Variants in ARHGAP26 observed in about 807,000 individuals in gnomAD.
The protein encoded by ARHGAP26 is Rho GTPase activating protein 26.
In ARHGAP26, 38 loss-of-function variants were observed where a neutral mutation model predicts 104.8. The observed-to-expected ratio is 0.36, with a 90% CI of 0.28 to 0.48. The LOEUF (loss-of-function observed/expected upper bound fraction) is 0.48, where lower values mean the gene tolerates loss of function less well. Ranked by LOEUF, ARHGAP26 falls within the 20% of genes least tolerant of loss-of-function variation. The pLI is 0.99. For synonymous variants in ARHGAP26, 341 were observed against 340.0 expected (o/e 1.00, Z -0.03); for missense variants, 704 against 947.9 (o/e 0.74, Z 3.38).
intron 11 of ARHGAP26, among the ~76,000 whole-genome samples, chr5:142,945,134 C>T (rs1488992618): frequency 6.6e-6 from 1 of 152,190 alleles, no homozygotes; most frequent in African/African-American, 2.4e-5. Flanking sequence ...TCCTTTCTAA[C>T]TCCCGAGTAG....
intron 11 of ARHGAP26, among the ~76,000 whole-genome samples, chr5:142,977,525 T>TCA (rs1773286656): frequency 6.6e-6 from 1 of 152,172 alleles, no homozygotes; most frequent in Non-Finnish European, 1.5e-5. Context: ...CTGCCACAGG[T>TCA]CAGCCAGGTG....
At chr5:143,089,016 A>G (rs529914654) in intron 17 of ARHGAP26, among the ~76,000 whole-genome samples, 1 of 152,224 alleles carries the variant, frequency 6.6e-6, no homozygotes, top group Non-Finnish European at 1.5e-5. Flanking sequence ...CAGGTAATTG[A>G]AAAAGGTTGC....
intron 17 of ARHGAP26, among the ~76,000 whole-genome samples, chr5:143,087,662 T>TTTTTGG (rs1790797248): frequency 7.1e-6 from 1 of 141,634 alleles, no homozygotes; most frequent in African/African-American, 2.7e-5. Flanking sequence ...TTTTTTTTTT[T>TTTTTGG]GAGACGGAGT....
In ARHGAP26 at chr5:142,931,317, G is replaced by A. The variant is rs114962638; in HGVS notation, c.1029-730G>A. 7.0e-3 allele frequency among the ~76,000 whole-genome samples: 1,066 copies of A among 152,250 alleles called. 15 individuals carry two copies. The highest frequency in any genetic ancestry group is 0.024 in the African/African-American group (1,016 of 41,550). On this transcript the variant is annotated intron_variant, in intron 10 of 22. Coordinates refer to ENST00000645722, the MANE Select transcript of ARHGAP26 (RefSeq NM_001135608.3). ...CTTCTCCCAAGGTCGTTTTTATGGC[G>A]CAGTCTCTTTTTCTTGCGGAGTACC... is the stretch of plus-strand genomic sequence containing the variant.
At chr5:143,219,278 C>T (rs1810825626) in intron 22 of ARHGAP26, among the ~76,000 whole-genome samples, 2 of 152,144 alleles carry the variant, frequency 1.3e-5, no homozygotes, top group Non-Finnish European at 2.9e-5. Context: ...AAGCTGGGAT[C>T]CTGAGGATCA....
At chr5:142,874,270 G>A (rs1417872012) in intron 2 of ARHGAP26, among the ~76,000 whole-genome samples, 3 of 152,198 alleles carry the variant, frequency 2.0e-5, no homozygotes, top group Admixed American at 1.3e-4. Context: ...CTTTGCCAGG[G>A]CCTTGTCATT....
At chr5:143,058,026 A>C (rs567404013) in intron 17 of ARHGAP26, 1 of 606,778 alleles carries the variant, frequency 1.6e-6, no homozygotes, top group East Asian at 3.4e-5. Flanking sequence ...GGCAAATTGG[A>C]GTGTGTTGTC....
At chr5:143,142,199 C>T (rs1332202096) in intron 19 of ARHGAP26, among the ~76,000 whole-genome samples, 2 of 132,920 alleles carry the variant, frequency 1.5e-5, no homozygotes, top group Non-Finnish European at 3.0e-5. Flanking sequence ...AGTGCAGTGG[C>T]ACGATCTTGG....
chr5:143,206,656 AT>A (rs1331478123), intron 20 of ARHGAP26, among the ~76,000 whole-genome samples: 2 of 152,226 alleles, frequency 1.3e-5, no homozygotes, highest in South Asian at 4.1e-4. Context: ...TCCATCGGCT[AT>A]CACCTTCTTC....
intron 11 of ARHGAP26, among the ~76,000 whole-genome samples, chr5:142,972,148 C>A (rs548381836): frequency 6.6e-6 from 1 of 150,888 alleles, no homozygotes; most frequent in Admixed American, 6.6e-5. Context: ...TGCCACTGCA[C>A]TCCATCCTGG....
intron 19 of ARHGAP26, among the ~76,000 whole-genome samples, chr5:143,134,678 T>G (rs1212188377): frequency 6.6e-6 from 1 of 152,246 alleles, no homozygotes; most frequent in Non-Finnish European, 1.5e-5. Context: ...TCACCACAAT[T>G]ATATCACATC....
chr5:143,114,033 C>T (rs1160333290), intron 17 of ARHGAP26, among the ~76,000 whole-genome samples: 1 of 152,174 alleles, frequency 6.6e-6, no homozygotes, highest in East Asian at 1.9e-4. Context: ...TCTCTTTCCT[C>T]ATTTGTAAAG....
At chr5:143,019,520 T>C (rs548412725) in intron 12 of ARHGAP26, among the ~76,000 whole-genome samples, 14 of 152,132 alleles carry the variant, frequency 9.2e-5, no homozygotes, top group Non-Finnish European at 1.8e-4. Flanking sequence ...CCAAAGACTA[T>C]GAGAATTGGT....
intron 1 of ARHGAP26, among the ~76,000 whole-genome samples, chr5:142,852,045 C>T (rs760076904): frequency 1.7e-4 from 26 of 152,182 alleles, no homozygotes; most frequent in Non-Finnish European, 3.2e-4. Flanking sequence ...CAGTCTCGCT[C>T]CTTCCGGAAC....
intron 1 of ARHGAP26, among the ~76,000 whole-genome samples, chr5:142,829,675 TAG>T (rs1296245112): frequency 6.6e-6 from 1 of 152,182 alleles, no homozygotes; most frequent in African/African-American, 2.4e-5. Flanking sequence ...TATGTGTAAT[TAG>T]AGAGAGTAGA....
rs772460248 is a variant in ARHGAP26 at position 142,903,624 on chromosome 5, A to G, written c.787A>G (p.Ile263Val). The G allele has an allele frequency of 5.0e-6, 8 of 1,613,918 alleles. No homozygotes were observed. Among genetic ancestry groups the G allele is most frequent in the Non-Finnish European group, 6.8e-6 (8 of 1,179,972 alleles). ...GGAGAATCCCCTTGAGCACAAGACC[A>G]TCAGTCCCTACACCATGGAGGGATA... ...MKENPLEHKT[I>V]SPYTMEGYLY... is the part of the protein sequence containing the mutation. Residue 263 changes from isoleucine (I) to valine (V), a missense_variant, in exon 8 of 23, where the codon ATC becomes GTC. By Grantham distance (29) the Ile-to-Val change is conservative. Transcript: ENST00000645722.
chr5:143,103,848 C>T (rs139726346), intron 17 of ARHGAP26, among the ~76,000 whole-genome samples: 3,576 of 152,062 alleles, frequency 0.024, 157 homozygotes, highest in African/African-American at 0.082. Context: ...ATGTAGATGA[C>T]GGGTTGATGG....
intron 19 of ARHGAP26, among the ~76,000 whole-genome samples, chr5:143,135,749 T>C (rs1457843748): frequency 2.0e-5 from 3 of 152,260 alleles, no homozygotes; most frequent in Non-Finnish European, 4.4e-5. Context: ...TTCATGAACA[T>C]TTCTTTAGAT....
rs74354828 is a variant in ARHGAP26 at position 143,122,203 on chromosome 5, C to T, written c.1698+1056C>T. On this transcript the variant is annotated intron_variant, in intron 18 of 22. Coordinates refer to ENST00000645722, the MANE Select transcript of ARHGAP26 (RefSeq NM_001135608.3). ...TGGCTTCCCATTTCATACATTTGCC[C>T]ACATAGTCTCTGTCCTTTTACTGTT... 3.4e-3 allele frequency among the ~76,000 whole-genome samples: 512 copies of T among 152,250 alleles called. 15 individuals are homozygous for T. The East Asian group carries it at 0.069, about 20-fold the overall frequency.
Sources: gnomAD v4.1 joint callset for allele counts (sites outside exome capture counted in the v4.1 genomes callset) on GRCh38, gnomAD v4.1.1 for gene constraint, MANE v1.5 for transcripts, NCBI Gene and HGNC (gene_info 2026-07-23, HGNC 2026-07-21) for gene names.